The following ATP9B variants were observed in gnomAD, a reference collection of about 807,000 sequenced individuals.
ATP9B encodes the protein probable phospholipid-transporting ATPase IIB.
In ATP9B, 110 loss-of-function variants were observed where a neutral mutation model predicts 146.1. The observed-to-expected ratio is 0.75, with a 90% CI of 0.65 to 0.88. The LOEUF (loss-of-function observed/expected upper bound fraction) is 0.88. Among genes scored for constraint, ATP9B ranks in the 40% least tolerant of loss-of-function variants. ATP9B has a pLI of 0.00. For missense variants in ATP9B, 1,499 were observed against 1,496.4 expected, an observed-to-expected ratio of 1.00 and a Z score of -0.03; for synonymous variants, 604 against 569.7, an observed-to-expected ratio of 1.06 and a Z score of -0.86.
At chr18:79,262,210 C>T (rs2096150236) in intron 12 of ATP9B, among the ~76,000 whole-genome samples, 1 of 151,612 alleles carries the variant, frequency 6.6e-6, no homozygotes, top group African/African-American at 2.4e-5. Flanking sequence ...ACAACCTAGC[C>T]CTCAACAAAA....
intron 11 of ATP9B, among the ~76,000 whole-genome samples, chr18:79,229,902 A>G (rs2095773793): frequency 6.6e-6 from 1 of 152,314 alleles, no homozygotes; most frequent in Admixed American, 6.5e-5. Context: ...TACACTTTGA[A>G]TCATTTTAAG....
chr18:79,351,045 A>C (rs2147646154), intron 25 of ATP9B, among the ~76,000 whole-genome samples: 1 of 152,368 alleles, frequency 6.6e-6, no homozygotes, highest in East Asian at 1.9e-4. Context: ...TGTTGGGATT[A>C]CAGGCATGAG....
At chr18:79,071,370 G>T (rs1313565767) in intron 1 of ATP9B, among the ~76,000 whole-genome samples, 1 of 99,526 alleles carries the variant, frequency 1.0e-5, no homozygotes. Flanking sequence ...TACCACATAC[G>T]CATATTTCCC....
intron 19 of ATP9B, among the ~76,000 whole-genome samples, chr18:79,341,007 G>GC (rs1488167318): frequency 3.3e-5 from 5 of 152,200 alleles, no homozygotes; most frequent in Non-Finnish European, 7.3e-5. Flanking sequence ...ATTAGACTTA[G>GC]CCTCTGAGTG....
At chr18:79,238,358 G>T (rs564604259) in intron 11 of ATP9B, among the ~76,000 whole-genome samples, 2 of 152,044 alleles carry the variant, frequency 1.3e-5, no homozygotes, top group Admixed American at 1.3e-4. Flanking sequence ...CGGGGCTTAC[G>T]TGAGGTGGTG....
chr18:79,372,687 T>C, intron 26 of ATP9B, 138 bp from the exon 27 acceptor site: 2 of 721,600 alleles, frequency 2.8e-6, no homozygotes, highest in Non-Finnish European at 5.1e-6. Context: ...GAAATGCTGG[T>C]AGACCAGGTG....
intron 11 of ATP9B, among the ~76,000 whole-genome samples, chr18:79,236,806 C>T (rs2095845561): frequency 6.9e-6 from 1 of 144,266 alleles, no homozygotes; most frequent in East Asian, 2.2e-4. Context: ...ACTGTGTACA[C>T]GGTCCGTGCA....
chr18:79,237,344 C>G (rs1253378827), intron 11 of ATP9B, among the ~76,000 whole-genome samples: 1 of 146,278 alleles, frequency 6.8e-6, no homozygotes, highest in Non-Finnish European at 1.5e-5. Flanking sequence ...ACTGTGTGCA[C>G]GGTCCGTGCA....
At chr18:79,071,351 T>C (rs2071749472) in intron 1 of ATP9B, among the ~76,000 whole-genome samples, 1 of 149,962 alleles carries the variant, frequency 6.7e-6, no homozygotes, top group Admixed American at 6.7e-5. Context: ...AAAGATAGTG[T>C]ATTGCATATA....
At chr18:79,193,475 A>G (rs558915000) in intron 9 of ATP9B, among the ~76,000 whole-genome samples, 54 of 152,330 alleles carry the variant, frequency 3.5e-4, no homozygotes, top group Non-Finnish European at 6.9e-4. Context: ...TTTTTTTAGC[A>G]TATTTACTAA....
chr18:79,289,208 GT>G (rs1356281693), intron 13 of ATP9B, among the ~76,000 whole-genome samples: 1 of 152,168 alleles, frequency 6.6e-6, no homozygotes, highest in African/African-American at 2.4e-5. Flanking sequence ...CCTGCAGAAT[GT>G]TTTCCAACTT....
intron 7 of ATP9B, among the ~76,000 whole-genome samples, chr18:79,176,101 C>T (rs149495675): frequency 6.2e-4 from 94 of 152,236 alleles, no homozygotes; most frequent in African/African-American, 1.3e-3. Context: ...TCTGTATTGC[C>T]GTATGTGCTC....
At chr18:79,206,622 T>TAAATA (rs2095535905) in intron 9 of ATP9B, among the ~76,000 whole-genome samples, 1 of 78,468 alleles carries the variant, frequency 1.3e-5, no homozygotes, top group African/African-American at 5.3e-5. Flanking sequence ...TAATAACACC[T>TAAATA]CATAAATAAA....
intron 10 of ATP9B, among the ~76,000 whole-genome samples, chr18:79,211,159 A>G (rs1434870843): frequency 6.6e-6 from 1 of 152,198 alleles, no homozygotes; most frequent in Non-Finnish European, 1.5e-5. Context: ...CTGGATTATG[A>G]TTTCTGGTAT....
chr18:79,176,553 T>G (rs2095173373), intron 7 of ATP9B, among the ~76,000 whole-genome samples: 1 of 152,224 alleles, frequency 6.6e-6, no homozygotes, highest in African/African-American at 2.4e-5. Context: ...ATGTTAAACC[T>G]TAATAGGCAA....
chr18:79,073,212 C>G (rs1170596776), intron 1 of ATP9B, among the ~76,000 whole-genome samples: 9 of 152,182 alleles, frequency 5.9e-5, no homozygotes, highest in Non-Finnish European at 8.8e-5. Context: ...ACGCTCCTCA[C>G]TTCCTAGATG....
At chr18:79,114,294 GC>G (rs1207654753) in intron 4 of ATP9B, among the ~76,000 whole-genome samples, 1 of 152,160 alleles carries the variant, frequency 6.6e-6, no homozygotes, top group Non-Finnish European at 1.5e-5. Context: ...TCCCTTTTGG[GC>G]AGATGACCCG....
At chr18:79,281,852 T>G (rs12455814) in intron 13 of ATP9B, among the ~76,000 whole-genome samples, 21,431 of 152,270 alleles carry the variant, frequency 0.14, 1,595 homozygotes, top group Admixed American at 0.19. Flanking sequence ...GGTGAAACCC[T>G]GTCTCTACTA....
rs370344396 is a variant in ATP9B, at chr18:79,327,793, G to A, written c.1774-1348G>A. On this transcript the variant is annotated intron_variant, in intron 15 of 29. Coordinates refer to ENST00000426216, the MANE Select transcript of ATP9B (RefSeq NM_198531.5). ...GGTTAACGTGCTCTCCGTGGTTAGC[G>A]TGCTCTCCGTGGTTAGCGTGTTCTC... Among the ~76,000 whole-genome samples the A allele has an allele frequency of 9.2e-4, 120 of 130,638 alleles. 16 individuals are homozygous for A. The highest frequency in any genetic ancestry group is 3.3e-3 in the African/African-American group (112 of 33,932). The allele number at this position is 130,638 out of a possible 152,430, so 85.7% of individuals were successfully genotyped here.
Sources: gnomAD v4.1 joint callset for allele counts (sites outside exome capture counted in the v4.1 genomes callset) on GRCh38, gnomAD v4.1.1 for gene constraint, MANE v1.5 for transcripts, NCBI Gene and HGNC (gene_info 2026-07-23, HGNC 2026-07-21) for gene names.